The following RASAL2 variants were observed in gnomAD, a reference collection of about 807,000 sequenced individuals.
RASAL2 encodes the protein RAS protein activator like 2, also known as ras GTPase-activating protein nGAP.
A neutral mutation model predicts 128.9 loss-of-function variants in RASAL2; 58 were observed. The observed-to-expected ratio is 0.45, with a 90% CI of 0.36 to 0.56. The LOEUF is 0.56. Among genes scored for constraint, RASAL2 ranks in the 20% least tolerant of loss-of-function variants. The pLI is 0.00. For synonymous variants in RASAL2, 561 were observed against 580.8 expected (o/e 0.97, Z 0.49); for missense variants, 1,360 against 1,601.6 (o/e 0.85, Z 2.57).
intron 4 of RASAL2, among the ~76,000 whole-genome samples, chr1:178,412,862 G>A (rs1674490486): frequency 1.3e-5 from 2 of 150,860 alleles, no homozygotes; most frequent in South Asian, 4.2e-4. Context: ...GTCCTACCAG[G>A]TTCTCACAGT....
In RASAL2 at chr1:178,422,181, A is replaced by T. The variant is rs1394280937; in HGVS notation, c.674+1561A>T. 2.6e-5 allele frequency among the ~76,000 whole-genome samples: 4 copies of T among 151,998 alleles called. No individual in the cohort carries two copies. The East Asian group carries it at 7.8e-4, about 29-fold the overall frequency. On this transcript the variant is annotated intron_variant, in intron 5 of 17. Transcript: ENST00000367649. ...CCTTGCACTAAATGTTACCTTCTTTATTTCAAACAAAGGGCTCTCTCCTAT... is the reference window on the plus strand; with the variant it reads ...CCTTGCACTAAATGTTACCTTCTTTTTTTCAAACAAAGGGCTCTCTCCTAT...
chr1:178,169,819 G>C (rs943977161), intron 1 of RASAL2, among the ~76,000 whole-genome samples: 1 of 151,910 alleles, frequency 6.6e-6, no homozygotes, highest in African/African-American at 2.4e-5. Flanking sequence ...TTAGGTGTAT[G>C]GGCCTTACCA....
intron 1 of RASAL2, among the ~76,000 whole-genome samples, chr1:178,266,748 G>A (rs111652948): frequency 1.3e-5 from 2 of 152,288 alleles, no homozygotes; most frequent in Non-Finnish European, 2.9e-5. Flanking sequence ...ATTTGCATAG[G>A]GCTCAGGGGA....
intron 1 of RASAL2, among the ~76,000 whole-genome samples, chr1:178,100,153 A>G (rs1383993154): frequency 6.6e-6 from 1 of 152,064 alleles, no homozygotes; most frequent in Non-Finnish European, 1.5e-5. Context: ...GTTCTAGAAC[A>G]CCCCTCTTTA....
At position 178,417,975 on chromosome 1, in the gene RASAL2, A is replaced by G. The variant is rs190300504; in HGVS notation, c.565-2536A>G. ...TAAACTTAAGCCTGGTTTGCTAGCT[A>G]CATTTATTAGCAAATGTGGTGACTC... On this transcript the variant is annotated intron_variant, in intron 4 of 17. Transcript: ENST00000367649. Among the ~76,000 whole-genome samples, 331 of 152,214 alleles carry G rather than the reference A, an allele frequency of 2.2e-3. 1 individual carries two copies. Among genetic ancestry groups the G allele is most frequent in the Admixed American group, 4.0e-3 (61 of 15,282 alleles).
At chr1:178,286,220 TC>T (rs138438074) in intron 2 of RASAL2, among the ~76,000 whole-genome samples, 107 of 152,186 alleles carry the variant, frequency 7.0e-4, no homozygotes, top group Admixed American at 1.0e-3. Flanking sequence ...TCTGAAGGGG[TC>T]CCTTAACTTC....
At chr1:178,140,399 A>G (rs977725870) in intron 1 of RASAL2, among the ~76,000 whole-genome samples, 1 of 152,214 alleles carries the variant, frequency 6.6e-6, no homozygotes, top group East Asian at 1.9e-4. Flanking sequence ...TGACAAATGC[A>G]TAATGCCATA....
At chr1:178,164,401 A>G (rs1191073028) in intron 1 of RASAL2, among the ~76,000 whole-genome samples, 1 of 152,108 alleles carries the variant, frequency 6.6e-6, no homozygotes, top group South Asian at 2.1e-4. Context: ...GTTATTCCAA[A>G]TGGAACAGGC....
chr1:178,282,009 A>T (rs1177461280), intron 1 of RASAL2, among the ~76,000 whole-genome samples: 1 of 152,208 alleles, frequency 6.6e-6, no homozygotes, highest in Non-Finnish European at 1.5e-5. Flanking sequence ...AACATAAAAT[A>T]ATTTAAGATG....
intron 3 of RASAL2, among the ~76,000 whole-genome samples, chr1:178,303,016 CA>C (rs765163010): frequency 1.4e-5 from 2 of 146,776 alleles, no homozygotes; most frequent in African/African-American, 5.0e-5. Context: ...CACTCCATCT[CA>C]AAAAAAAACA....
At chr1:178,128,338 T>C (rs1659974326) in intron 1 of RASAL2, among the ~76,000 whole-genome samples, 1 of 151,980 alleles carries the variant, frequency 6.6e-6, no homozygotes, top group Admixed American at 6.6e-5. Flanking sequence ...AATAACATAA[T>C]ACTTAATTTC....
chr1:178,207,168 A>G (rs1663079362), intron 1 of RASAL2, among the ~76,000 whole-genome samples: 1 of 138,268 alleles, frequency 7.2e-6, no homozygotes, highest in African/African-American at 2.7e-5. Flanking sequence ...AAAAAAAAAA[A>G]GTAATGATTT....
chr1:178,284,519 T>A (rs1298469086), intron 2 of RASAL2, among the ~76,000 whole-genome samples: 1 of 152,236 alleles, frequency 6.6e-6, no homozygotes, highest in African/African-American at 2.4e-5. Flanking sequence ...AGGACAGGCA[T>A]CTAGTTCTAG....
intron 1 of RASAL2, among the ~76,000 whole-genome samples, chr1:178,129,902 A>G (rs911586959): frequency 6.6e-6 from 1 of 152,144 alleles, no homozygotes; most frequent in African/African-American, 2.4e-5. Flanking sequence ...TATGCACGTG[A>G]AAACATGTTT....
chr1:178,110,400 C>T (rs929663581), intron 1 of RASAL2, among the ~76,000 whole-genome samples: 8 of 151,478 alleles, frequency 5.3e-5, no homozygotes, highest in Admixed American at 3.3e-4. Flanking sequence ...GCTTATCCTT[C>T]CATATACTTT....
chr1:178,162,392 A>C (rs1438513125), intron 1 of RASAL2, among the ~76,000 whole-genome samples: 1 of 114,806 alleles, frequency 8.7e-6, no homozygotes, highest in African/African-American at 3.4e-5. Flanking sequence ...TATATTATAT[A>C]TATTATATAT....
chr1:178,228,742 C>T (rs1434383008), intron 1 of RASAL2, among the ~76,000 whole-genome samples: 1 of 152,028 alleles, frequency 6.6e-6, no homozygotes, highest in Non-Finnish European at 1.5e-5. Flanking sequence ...AATTCTATTC[C>T]CAGTTTGCAA....
intron 1 of RASAL2, among the ~76,000 whole-genome samples, chr1:178,167,173 A>G (rs1210645017): frequency 6.6e-6 from 1 of 152,160 alleles, no homozygotes; most frequent in Non-Finnish European, 1.5e-5. Flanking sequence ...AAGAGTGTTC[A>G]TAAACCACTA....
chr1:178,125,610 C>G (rs975494084), intron 1 of RASAL2: 1 of 152,080 alleles, frequency 6.6e-6, no homozygotes, highest in Admixed American at 6.6e-5. Flanking sequence ...TTCTGATAAT[C>G]GATGTGATAT....
Sources: allele counts gnomAD v4.1 joint callset (sites outside exome capture counted in the v4.1 genomes callset), GRCh38; gene constraint gnomAD v4.1.1; transcripts MANE v1.5; gene names NCBI Gene and HGNC (gene_info 2026-07-23, HGNC 2026-07-21).